GRTP1: variants seen among roughly 807,000 people sequenced by gnomAD.
The protein encoded by GRTP1 is growth hormone regulated TBC protein 1.
A neutral mutation model predicts 38.1 loss-of-function variants in GRTP1; 56 were observed. The ratio of observed to expected loss-of-function variants is 1.47; its 90% CI spans 1.19 to 1.84. GRTP1 has a LOEUF of 1.84. Ranked by LOEUF, GRTP1 falls within the 40% of genes most tolerant of loss-of-function variation. The pLI is 0.00. For missense variants in GRTP1, 506 were observed against 453.9 expected (o/e 1.11, Z -1.04); for synonymous variants, 217 against 189.5 (o/e 1.14, Z -1.19).
At chr13:113,330,491 C>A (rs1595475782) in intron 5 of GRTP1, among the ~76,000 whole-genome samples, 1 of 123,144 alleles carries the variant, frequency 8.1e-6, no homozygotes. Flanking sequence ...TGCATGGGAG[C>A]CCAGGTGTGT....
chr13:113,328,696 A>AT (rs545033437), intron 5 of GRTP1, among the ~76,000 whole-genome samples: 78 of 152,290 alleles, frequency 5.1e-4, no homozygotes, highest in East Asian at 3.9e-3. Context: ...ATTTTTAAAT[A>AT]TTTTTTGTAG....
intron 5 of GRTP1, among the ~76,000 whole-genome samples, chr13:113,336,859 C>G (rs985325954): frequency 6.6e-6 from 1 of 152,284 alleles, no homozygotes; most frequent in Non-Finnish European, 1.5e-5. Flanking sequence ...CTGGGAAAAC[C>G]CACCGCACTT....
At chr13:113,346,635 T>C (rs1431926095) in intron 4 of GRTP1, among the ~76,000 whole-genome samples, 5 of 4,654 alleles carry the variant, frequency 1.1e-3, no homozygotes, top group African/African-American at 1.2e-3. Context: ...AGGACCTCTG[T>C]GGCTGAGAGC....
intron 5 of GRTP1, among the ~76,000 whole-genome samples, chr13:113,326,364 GA>G (rs1323026314): frequency 3.7e-5 from 4 of 107,446 alleles, no homozygotes; most frequent in African/African-American, 2.6e-4. Flanking sequence ...TCTGCAGGTG[GA>G]GGGTGGCGCG....
rs1426595448 is a variant in GRTP1, at chr13:113,342,649, G to A, written c.562+2214C>T. On this transcript the variant is annotated intron_variant, in intron 5 of 7. Coordinates refer to ENST00000375431, the MANE Select transcript of GRTP1 (RefSeq NM_024719.4). This position sits in a 1 kb window ranked among gnomAD's most constrained non-coding sequence, Gnocchi z 4.5. ...TTTGGGTAACTATAACTTCGAGGAT[G>A]GATTTTAGAGCAGGATGACTGTGGC... 6.6e-6 allele frequency among the ~76,000 whole-genome samples: 1 copy of A among 152,254 alleles called. No homozygotes were observed. Among genetic ancestry groups the A allele is most frequent in the East Asian group, 1.9e-4 (1 of 5,188 alleles).
At chr13:113,357,110 G>A (rs1299202837) in intron 2 of GRTP1, among the ~76,000 whole-genome samples, 1 of 151,466 alleles carries the variant, frequency 6.6e-6, no homozygotes, top group East Asian at 1.9e-4. Flanking sequence ...AAGAGATCGA[G>A]ACCATCCTGG....
In GRTP1 at chr13:113,325,820, C is replaced by T. The variant is rs919750906; in HGVS notation, c.762G>A (p.Leu254=). ...VETVLRIWDC[L]FNEGSKIIFR... The stretch of plus-strand genomic sequence containing the variant: ...AGATAATCTTCGAGCCTTCGTTAAA[C>T]AAACAGTCCCAGATCCGAAGCACTG... The change falls in exon 7 of 8, where the codon TTG becomes TTA. Residue 254 remains leucine, a synonymous_variant. Transcript: ENST00000375431. 4.3e-6 allele frequency: 7 copies of T among 1,613,676 alleles called. No homozygotes were observed. The highest frequency in any genetic ancestry group is 5.9e-6 in the Non-Finnish European group (7 of 1,179,572).
At chr13:113,337,891 C>T (rs572151476) in intron 5 of GRTP1, among the ~76,000 whole-genome samples, 2 of 152,386 alleles carry the variant, frequency 1.3e-5, no homozygotes, top group Admixed American at 6.5e-5. Context: ...GGGGCTGAGC[C>T]GTGGTCCCCA....
intron 4 of GRTP1, among the ~76,000 whole-genome samples, chr13:113,347,707 A>T (rs894418019): frequency 2.7e-3 from 33 of 12,294 alleles, no homozygotes; most frequent in South Asian, 8.3e-3. Context: ...CCTCTGTGGC[A>T]GAGAGCAGAC....
At chr13:113,336,530 G>A (rs58936805) in intron 5 of GRTP1, among the ~76,000 whole-genome samples, 148,119 of 151,882 alleles carry the variant, frequency 0.98, 72,340 homozygotes, top group East Asian at 1. Context: ...CTGAAGAACA[G>A]GGGGGCTCTG....
intron 5 of GRTP1, among the ~76,000 whole-genome samples, chr13:113,330,627 G>A (rs2042851217): frequency 7.9e-6 from 1 of 127,358 alleles, no homozygotes. Flanking sequence ...TGTGTGCATG[G>A]GAGCCCAGGT....
At position 113,335,543 on chromosome 13, in the gene GRTP1, T is replaced by C. The variant is rs1417818948; in HGVS notation, c.562+9320A>G. 2.0e-5 allele frequency among the ~76,000 whole-genome samples: 3 copies of C among 152,312 alleles called. No homozygotes were observed. In the East Asian group the frequency reaches 5.8e-4, roughly 29 times the overall value. On this transcript the variant is annotated intron_variant, in intron 5 of 7. Coordinates refer to ENST00000375431, the MANE Select transcript of GRTP1 (RefSeq NM_024719.4). ...TTGAAATACATGTTACTGTTACCTA[T>C]AGTGGGTCTGACCTACTAACACACG...
At position 113,325,852 on chromosome 13, in the gene GRTP1, G is replaced by A. The variant is rs763612130; in HGVS notation, c.736-6C>T. The stretch of plus-strand genomic sequence containing the variant: ...TCCCAGATCCGAAGCACTGTCTGCA[G>A]AGACATGGGAACCCGGTGTCACTCC... On this transcript the variant is annotated splice_polypyrimidine_tract_variant and splice_region_variant and intron_variant, in intron 6 of 7. Coordinates refer to ENST00000375431, the MANE Select transcript of GRTP1 (RefSeq NM_024719.4). The A allele has an allele frequency of 6.8e-6, 11 of 1,613,854 alleles. No homozygotes were observed. The highest frequency in any genetic ancestry group is 7.6e-6 in the Non-Finnish European group (9 of 1,179,918).
intron 5 of GRTP1, among the ~76,000 whole-genome samples, chr13:113,340,205 T>A (rs1023851480): frequency 1.3e-5 from 2 of 151,848 alleles, no homozygotes; most frequent in African/African-American, 2.4e-5. Context: ...GATTTATTTT[T>A]AAAAAACAGG....
Position 113,359,039 on chromosome 13 carries a change from C to T in GRTP1, c.182-3558G>A, listed in dbSNP as rs959514893. Among the ~76,000 whole-genome samples, 7 of 152,232 alleles carry T rather than the reference C, an allele frequency of 4.6e-5. No homozygotes were observed. In the South Asian group the frequency reaches 6.2e-4, roughly 14 times the overall value. On this transcript the variant is annotated intron_variant, in intron 2 of 7. Coordinates refer to ENST00000375431, the MANE Select transcript of GRTP1 (RefSeq NM_024719.4). Reference sequence around the variant, plus strand: ...GGGTTTTTAAAAATTGTAGTACATCCGTAAATGAAGTACCTCAGCAATAAA... The same window carrying T: ...GGGTTTTTAAAAATTGTAGTACATCTGTAAATGAAGTACCTCAGCAATAAA...
chr13:113,327,688 A>G (rs924827167), intron 5 of GRTP1, among the ~76,000 whole-genome samples: 1 of 152,096 alleles, frequency 6.6e-6, no homozygotes, highest in African/African-American at 2.4e-5. Context: ...CTTGTTCTGC[A>G]CCTGCCACTG....
intron 2 of GRTP1, 79 bp from the exon 3 acceptor site, chr13:113,355,560 C>T: frequency 7.0e-7 from 1 of 1,434,804 alleles, no homozygotes; most frequent in Non-Finnish European, 9.3e-7. Flanking sequence ...ACACTTTCCA[C>T]TCTCACCAGT....
intron 5 of GRTP1, among the ~76,000 whole-genome samples, chr13:113,338,729 C>T (rs894988561): frequency 1.3e-5 from 2 of 152,174 alleles, no homozygotes; most frequent in South Asian, 2.1e-4. Context: ...CTGGAGGCCT[C>T]GGTGGCTGCA....
At chr13:113,361,194 T>G (rs1279247650) in intron 2 of GRTP1, among the ~76,000 whole-genome samples, 4 of 133,284 alleles carry the variant, frequency 3.0e-5, no homozygotes, top group Non-Finnish European at 6.2e-5. Flanking sequence ...TAGAAAGAGT[T>G]GATAGAGACC....
Sources: gnomAD v4.1 joint callset for allele counts (sites outside exome capture counted in the v4.1 genomes callset) on GRCh38, gnomAD v4.1.1 for gene constraint, Gnocchi (gnomAD v3.1) non-coding constraint, MANE v1.5 for transcripts, NCBI Gene and HGNC (gene_info 2026-07-23, HGNC 2026-07-21) for gene names.